CDK14: variants seen among roughly 807,000 people sequenced by gnomAD.
CDK14 encodes cyclin-dependent kinase 14.
Under a neutral mutation model 60.7 loss-of-function variants are expected in CDK14, and 34 were observed. The observed-to-expected ratio is 0.56, with a 90% CI of 0.43 to 0.75. The LOEUF is 0.75. Among genes scored for constraint, CDK14 ranks in the 30% least tolerant of loss-of-function variants. The pLI is 0.00. For missense variants in CDK14, 482 were observed against 564.1 expected, an observed-to-expected ratio of 0.85 and a Z score of 1.47; for synonymous variants, 197 against 203.7, an observed-to-expected ratio of 0.97 and a Z score of 0.28.
At chr7:91,041,706 A>G (rs970433701) in intron 10 of CDK14, among the ~76,000 whole-genome samples, 9 of 152,198 alleles carry the variant, frequency 5.9e-5, no homozygotes, top group Non-Finnish European at 1.2e-4. Context: ...TTTACTTACA[A>G]TCCCCCAACC....
intron 10 of CDK14, among the ~76,000 whole-genome samples, chr7:90,986,377 T>C (rs1387965302): frequency 6.6e-6 from 1 of 152,060 alleles, no homozygotes; most frequent in East Asian, 1.9e-4. Flanking sequence ...ATGTAGACTA[T>C]TTGTTCATAT....
At chr7:91,199,503 A>G (rs1036899119) in intron 14 of CDK14, among the ~76,000 whole-genome samples, 9 of 152,288 alleles carry the variant, frequency 5.9e-5, no homozygotes, top group Middle Eastern at 3.4e-3. Context: ...CATAAATCTG[A>G]TTTAATAAAC....
intron 5 of CDK14, among the ~76,000 whole-genome samples, chr7:90,826,022 A>G (rs1267389663): frequency 1.3e-5 from 2 of 152,302 alleles, no homozygotes; most frequent in East Asian, 1.9e-4. Context: ...TTTCTTCCAG[A>G]GAAGTTGAGT....
chr7:90,863,146 A>G lies in CDK14; in HGVS notation c.545-29A>G, dbSNP rs571568540. 5.5e-5 allele frequency: 69 copies of G among 1,263,646 alleles called. 1 individual carries two copies. The South Asian group carries it at 8.5e-4, about 16-fold the overall frequency. 78.3% of individuals were successfully genotyped at this position (1,263,646 alleles called of 1,614,324 possible). A position where few individuals can be genotyped will look rare whatever the true frequency, so the allele number is the denominator to read the frequency against. ...ATTAGTTGATTGTTATCCACGATAA[A>G]TTGTTTCTCTGTCCATTTTGTTTTA... On this transcript the variant is annotated intron_variant, in intron 5 of 14. Transcript: ENST00000380050.
At chr7:90,874,423 T>G (rs559775498) in intron 6 of CDK14, among the ~76,000 whole-genome samples, 7 of 150,062 alleles carry the variant, frequency 4.7e-5, no homozygotes, top group Admixed American at 1.3e-4. Flanking sequence ...AATTTTATGA[T>G]AAAGTGAAAA....
chr7:91,077,057 A>G (rs1478485214), intron 11 of CDK14, among the ~76,000 whole-genome samples: 4 of 152,246 alleles, frequency 2.6e-5, no homozygotes, highest in Non-Finnish European at 4.4e-5. Context: ...GGGAATGTGA[A>G]TTAGTTCAAT....
chr7:91,033,849 A>T (rs1796835628), intron 10 of CDK14, among the ~76,000 whole-genome samples: 1 of 152,054 alleles, frequency 6.6e-6, no homozygotes, highest in Non-Finnish European at 1.5e-5. Flanking sequence ...CAATAACATC[A>T]CTCAGTCTGA....
At chr7:90,973,850 G>T (rs1329454158) in intron 9 of CDK14, among the ~76,000 whole-genome samples, 3 of 152,228 alleles carry the variant, frequency 2.0e-5, no homozygotes, top group Non-Finnish European at 2.9e-5. Context: ...ACTGATGAGG[G>T]TCTGTGTCCC....
intron 6 of CDK14, among the ~76,000 whole-genome samples, chr7:90,866,657 A>G (rs375412240): frequency 1.3e-5 from 2 of 152,216 alleles, no homozygotes; most frequent in Non-Finnish European, 2.9e-5. Flanking sequence ...ACATACTACA[A>G]ATGTATTTCT....
chr7:91,122,627 C>G (rs1277799007), intron 14 of CDK14, among the ~76,000 whole-genome samples: 1 of 152,194 alleles, frequency 6.6e-6, no homozygotes, highest in African/African-American at 2.4e-5. Context: ...GTCTTTGCAT[C>G]AACTAACACA....
At chr7:90,655,756 T>C (rs1303461027) in intron 2 of CDK14, among the ~76,000 whole-genome samples, 5 of 152,186 alleles carry the variant, frequency 3.3e-5, no homozygotes, top group Non-Finnish European at 7.3e-5. Context: ...AAAGAGCCAT[T>C]CTTTCAAGAC....
rs575507327 is a variant in CDK14, at chr7:91,018,997, C to T, written c.1042-26900C>T. Among the ~76,000 whole-genome samples, 7 of 152,210 alleles carry T rather than the reference C, an allele frequency of 4.6e-5. No individual in the cohort carries two copies. The East Asian group carries it at 1.4e-3, about 30-fold the overall frequency. On this transcript the variant is annotated intron_variant, in intron 10 of 14. Transcript: ENST00000380050. ...AAGGCCAAATCTCCTAATACCATCA[C>T]ATTGGGGATTAGGTTTTAGCCTGTG...
chr7:90,707,170 T>G (rs1476729487), intron 2 of CDK14, among the ~76,000 whole-genome samples: 1 of 152,144 alleles, frequency 6.6e-6, no homozygotes, highest in Non-Finnish European at 1.5e-5. Context: ...TAAAACTCAA[T>G]GTGTAAAAAA....
chr7:90,744,568 C>G (rs1474681850), intron 3 of CDK14, among the ~76,000 whole-genome samples: 4 of 152,194 alleles, frequency 2.6e-5, no homozygotes, highest in African/African-American at 4.8e-5. Flanking sequence ...AGGGGCTCCT[C>G]ACTTCCCAGT....
At chr7:90,822,162 C>A (rs1789573942) in intron 5 of CDK14, among the ~76,000 whole-genome samples, 1 of 152,180 alleles carries the variant, frequency 6.6e-6, no homozygotes, top group African/African-American at 2.4e-5. Context: ...GTATTTTTGG[C>A]AGTATCTAGC....
At chr7:90,843,369 A>G (rs950683075) in intron 5 of CDK14, among the ~76,000 whole-genome samples, 1 of 152,214 alleles carries the variant, frequency 6.6e-6, no homozygotes, top group African/African-American at 2.4e-5. Context: ...CAGCTTTATT[A>G]GAAAATTAAT....
intron 6 of CDK14, among the ~76,000 whole-genome samples, chr7:90,879,668 A>G (rs2117278127): frequency 6.6e-6 from 1 of 152,270 alleles, no homozygotes; most frequent in African/African-American, 2.4e-5. Flanking sequence ...TGGTACAGCA[A>G]ACCAACATGG....
At chr7:91,073,549 A>G (rs938445639) in intron 11 of CDK14, among the ~76,000 whole-genome samples, 1 of 152,226 alleles carries the variant, frequency 6.6e-6, no homozygotes, top group Non-Finnish European at 1.5e-5. Flanking sequence ...TGCAAAAAAC[A>G]CACCAAAATA....
intron 14 of CDK14, among the ~76,000 whole-genome samples, chr7:91,190,870 T>G (rs1802340549): frequency 1.3e-5 from 2 of 151,986 alleles, no homozygotes; most frequent in African/African-American, 4.8e-5. Flanking sequence ...ATGGGAGACT[T>G]GGGTGGTATC....
Sources: gnomAD v4.1 joint callset for allele counts (sites outside exome capture counted in the v4.1 genomes callset) on GRCh38, gnomAD v4.1.1 for gene constraint, MANE v1.5 for transcripts, NCBI Gene and HGNC (gene_info 2026-07-23, HGNC 2026-07-21) for gene names.